Variants in UNC5C observed in about 807,000 individuals in gnomAD.
UNC5C encodes netrin receptor UNC5C.
In UNC5C, 47 loss-of-function variants were observed where a neutral mutation model predicts 99.8. That is an observed-to-expected ratio of 0.47 (90% CI 0.37 to 0.60). UNC5C has a LOEUF of 0.60. Ranked by LOEUF, UNC5C falls within the 20% of genes least tolerant of loss-of-function variation. The pLI is 0.00. For synonymous variants in UNC5C, 487 were observed against 452.2 expected (o/e 1.08, Z -0.98); for missense variants, 1,062 against 1,165.9 (o/e 0.91, Z 1.30).
intron 1 of UNC5C, among the ~76,000 whole-genome samples, chr4:95,475,767 T>C (rs1748126020): frequency 1.3e-5 from 2 of 152,098 alleles, no homozygotes; most frequent in South Asian, 2.1e-4. Context: ...TTTTCCTATC[T>C]TTTAGCAAAA....
At chr4:95,289,807 T>G (rs527750289) in intron 3 of UNC5C, among the ~76,000 whole-genome samples, 1 of 152,294 alleles carries the variant, frequency 6.6e-6, no homozygotes, top group African/African-American at 2.4e-5. Flanking sequence ...TTGGAAGAAC[T>G]AGATTGGCCT....
At position 95,202,835 on chromosome 4, in the gene UNC5C, C is replaced by T. The variant is rs1337002863; in HGVS notation, c.2032G>A (p.Ala678Thr). The change falls in exon 12 of 16, where the codon GCT (alanine) becomes ACT (threonine). Residue 678 changes from alanine to threonine, a missense_variant. Around this residue, in one of 3 missense-constraint regions of UNC5C, gnomAD observed 810 missense variants for 854.5 expected, o/e 0.95. Coordinates refer to ENST00000453304, the MANE Select transcript of UNC5C (RefSeq NM_003728.4). Reference protein sequence around the residue: ...ALVGHSTTKAAAKRLKLAIFG... With the variant: ...ALVGHSTTKATAKRLKLAIFG... The stretch of plus-strand genomic sequence containing the variant: ...ATGGCCAGCTTGAGGCGCTTCGCAG[C>T]CGCTTTGGTGGTGGAATGTCCTACC... The T allele has an allele frequency of 1.9e-6, 3 of 1,614,212 alleles. No homozygotes were observed. The highest frequency in any genetic ancestry group is 2.2e-5 in the South Asian group (2 of 91,086).
chr4:95,386,693 A>C (rs1211382888), intron 1 of UNC5C, among the ~76,000 whole-genome samples: 1 of 152,096 alleles, frequency 6.6e-6, no homozygotes, highest in African/African-American at 2.4e-5. Context: ...AGTCTCTCTC[A>C]GGGGCAAAAA....
At position 95,165,718 on chromosome 4, in the gene UNC5C, CTT is replaced by C. The variant is rs748194155; in HGVS notation, c.*3514_*3515del. ...TAGTATTCCATTCGCATATATAAGA[CTT>C]ATTTCTTTCTAAGCAGATACTTCTT... On this transcript the variant is annotated 3_prime_UTR_variant, in exon 16 of 16. Coordinates refer to ENST00000453304, the MANE Select transcript of UNC5C (RefSeq NM_003728.4). The C allele has an allele frequency of 1.3e-5, 2 of 152,134 alleles. No individual in the cohort carries two copies. Among genetic ancestry groups the C allele is most frequent in the Non-Finnish European group, 2.9e-5 (2 of 68,022 alleles). The allele number at this position is 152,134 out of a possible 1,614,324, so 9.4% of individuals were successfully genotyped here.
At chr4:95,203,495 A>G (rs3775052) in intron 11 of UNC5C, among the ~76,000 whole-genome samples, 112,767 of 151,942 alleles carry the variant, frequency 0.74, 42,446 homozygotes, top group Middle Eastern at 0.92. Flanking sequence ...TTGAAACAGG[A>G]GTCTCACTCT....
At chr4:95,521,217 C>T (rs1449613124) in intron 1 of UNC5C, among the ~76,000 whole-genome samples, 45 of 44,916 alleles carry the variant, frequency 1.0e-3, no homozygotes, top group South Asian at 2.0e-3. Flanking sequence ...TTTCTTTTTT[C>T]TTTTTTCTTT....
Position 95,264,340 on chromosome 4 carries a change from C to T in UNC5C, c.595-13673G>A, listed in dbSNP as rs569744631. On this transcript the variant is annotated intron_variant, in intron 4 of 15. Coordinates refer to ENST00000453304, the MANE Select transcript of UNC5C (RefSeq NM_003728.4). ...AATTGAAATCTTGCACTCAGAAATT[C>T]ACTCACTGGTAACTTTCTAATATTT... is the stretch of plus-strand genomic sequence containing the variant. Among the ~76,000 whole-genome samples, 145 of 152,296 alleles carry T rather than the reference C, an allele frequency of 9.5e-4. 1 individual carries two copies. The highest frequency in any genetic ancestry group is 6.5e-4 in the Non-Finnish European group (44 of 68,024).
intron 1 of UNC5C, among the ~76,000 whole-genome samples, chr4:95,528,811 T>C (rs1388151439): frequency 1.3e-5 from 2 of 152,010 alleles, no homozygotes; most frequent in East Asian, 3.9e-4. Context: ...AGTTGAAAGG[T>C]GAAGAAAATG....
intron 1 of UNC5C, among the ~76,000 whole-genome samples, chr4:95,446,681 A>C (rs961008818): frequency 3.9e-5 from 6 of 152,210 alleles, no homozygotes; most frequent in Non-Finnish European, 7.3e-5. Context: ...AATATCCTAC[A>C]TCTTGATTGT....
chr4:95,374,449 G>C (rs942953645), intron 1 of UNC5C, among the ~76,000 whole-genome samples: 4 of 151,952 alleles, frequency 2.6e-5, no homozygotes, highest in Non-Finnish European at 4.4e-5. Context: ...TGGCCATCCT[G>C]GTCCACTGCA....
intron 7 of UNC5C, among the ~76,000 whole-genome samples, chr4:95,234,277 A>G (rs923495840): frequency 4.0e-5 from 6 of 150,376 alleles, no homozygotes; most frequent in African/African-American, 1.5e-4. Flanking sequence ...ATTCTGTAGT[A>G]TTATTAAGTA....
At chr4:95,392,734 C>A (rs944362915) in intron 1 of UNC5C, among the ~76,000 whole-genome samples, 2 of 152,046 alleles carry the variant, frequency 1.3e-5, no homozygotes, top group Non-Finnish European at 2.9e-5. Context: ...AGCCACGGAG[C>A]CTGGCTGAAA....
At chr4:95,271,846 CGTTCCCTCTTTCCTGACTGAAT>C (rs1375116022) in intron 4 of UNC5C, among the ~76,000 whole-genome samples, 4 of 152,186 alleles carry the variant, frequency 2.6e-5, no homozygotes, top group Non-Finnish European at 5.9e-5. Context: ...TCTGCGCCCT[CGTTCCCTCTTTCCTGACTGAAT>C]GTCGTCCTGC....
intron 1 of UNC5C, among the ~76,000 whole-genome samples, chr4:95,464,973 T>C (rs1450955075): frequency 6.6e-6 from 1 of 152,114 alleles, no homozygotes; most frequent in Non-Finnish European, 1.5e-5. Flanking sequence ...GGGTGTTAAA[T>C]AATGAAAAAG....
chr4:95,177,653 T>A (rs1411048079), intron 14 of UNC5C, among the ~76,000 whole-genome samples: 1 of 152,152 alleles, frequency 6.6e-6, no homozygotes, highest in African/African-American at 2.4e-5. Flanking sequence ...TTGGCTGTGA[T>A]CATGGTATTT....
intron 1 of UNC5C, among the ~76,000 whole-genome samples, chr4:95,397,440 A>C (rs116457796): frequency 0.01 from 1,545 of 152,284 alleles, 32 homozygotes; most frequent in African/African-American, 0.035. Context: ...GTAAGAAAAC[A>C]CTCAGGCATC....
intron 1 of UNC5C, among the ~76,000 whole-genome samples, chr4:95,531,624 G>A (rs1313084120): frequency 1.3e-5 from 2 of 152,154 alleles, no homozygotes; most frequent in Non-Finnish European, 2.9e-5. Flanking sequence ...AAAATATCCT[G>A]CCCAAAAATA....
chr4:95,276,404 C>T (rs1000791112), intron 4 of UNC5C, among the ~76,000 whole-genome samples: 4 of 152,032 alleles, frequency 2.6e-5, no homozygotes, highest in African/African-American at 7.2e-5. Flanking sequence ...AATTCACAGC[C>T]AATTAGTTTG....
intron 2 of UNC5C, among the ~76,000 whole-genome samples, chr4:95,328,062 ATTTT>A (rs71583698): frequency 4.6e-5 from 4 of 86,712 alleles, no homozygotes; most frequent in Admixed American, 1.6e-4. Flanking sequence ...TTTTTTTTTA[ATTTT>A]TTTTTTTTTT....
Sources: allele counts gnomAD v4.1 joint callset (sites outside exome capture counted in the v4.1 genomes callset), GRCh38; gene constraint gnomAD v4.1.1; regional missense constraint gnomAD v4.1.1; transcripts MANE v1.5; gene names NCBI Gene and HGNC (gene_info 2026-07-23, HGNC 2026-07-21).